LRP1B: variants seen among roughly 807,000 people sequenced by gnomAD.
LRP1B encodes low-density lipoprotein receptor-related protein 1B.
LRP1B carries 217 observed loss-of-function variants against 556.6 expected under a neutral mutation model. The ratio of observed to expected loss-of-function variants is 0.39; its 90% CI spans 0.35 to 0.44. The LOEUF (loss-of-function observed/expected upper bound fraction) is 0.44, where lower values mean the gene tolerates loss of function less well. Ranked by LOEUF, LRP1B falls within the 20% of genes least tolerant of loss-of-function variation. The pLI, the probability that LRP1B is intolerant of heterozygous loss-of-function variation, is 1.00. For synonymous variants in LRP1B, 2,047 were observed against 1,865.8 expected (o/e 1.10, Z -2.50); for missense variants, 5,053 against 5,620.8 (o/e 0.90, Z 3.23).
chr2:141,360,802 C>T (rs765441648), intron 3 of LRP1B, among the ~76,000 whole-genome samples: 7 of 152,064 alleles, frequency 4.6e-5, no homozygotes, highest in Non-Finnish European at 1.0e-4. Flanking sequence ...GAAGGAAAGG[C>T]TAGGATAATT....
intron 11 of LRP1B, among the ~76,000 whole-genome samples, chr2:141,026,076 A>G (rs549222804): frequency 4.6e-5 from 7 of 152,208 alleles, no homozygotes; most frequent in African/African-American, 1.7e-4. Context: ...GCCTATCAAG[A>G]GAAAACAAAG....
intron 84 of LRP1B, among the ~76,000 whole-genome samples, chr2:140,277,610 C>A (rs1379333535): frequency 1.3e-5 from 2 of 151,372 alleles, no homozygotes; most frequent in African/African-American, 4.9e-5. Context: ...AACTCTATCT[C>A]TAAATAAATA....
At chr2:141,751,607 A>C (rs1027478922) in intron 2 of LRP1B, among the ~76,000 whole-genome samples, 1 of 152,096 alleles carries the variant, frequency 6.6e-6, no homozygotes, top group Non-Finnish European at 1.5e-5. Flanking sequence ...CTATATCACA[A>C]GAAGGATTCT....
At position 141,047,310 on chromosome 2, in the gene LRP1B, C is replaced by T. The variant is rs184477061; in HGVS notation, c.1789+1676G>A. Among the ~76,000 whole-genome samples the T allele has an allele frequency of 1.4e-4, 22 of 151,940 alleles. No individual in the cohort carries two copies. In the East Asian group the frequency reaches 1.6e-3, roughly 11 times the overall value. On this transcript the variant is annotated intron_variant, in intron 11 of 90. Coordinates refer to ENST00000389484, the MANE Select transcript of LRP1B (RefSeq NM_018557.3). The stretch of plus-strand genomic sequence containing the variant: ...ATGCAGGATTTACGTTGCCTTAATC[C>T]GTAAATTATATTAAAGACAAAAACA...
intron 35 of LRP1B, among the ~76,000 whole-genome samples, chr2:140,752,842 T>C (rs922066295): frequency 6.6e-6 from 1 of 152,198 alleles, no homozygotes; most frequent in Admixed American, 6.5e-5. Flanking sequence ...CACACCAAAG[T>C]TGTATGTTTA....
At chr2:141,182,804 A>G (rs530494260) in intron 7 of LRP1B, among the ~76,000 whole-genome samples, 22 of 151,668 alleles carry the variant, frequency 1.5e-4, no homozygotes, top group African/African-American at 5.1e-4. Context: ...AAGTTAGGAA[A>G]TCAACTTTTG....
intron 1 of LRP1B, among the ~76,000 whole-genome samples, chr2:141,840,257 CTTTT>C (rs565362139): frequency 2.4e-5 from 2 of 84,230 alleles, no homozygotes; most frequent in African/African-American, 9.6e-5. Context: ...AACAAATTTC[CTTTT>C]TTTTTTTTTT....
chr2:141,851,606 G>A (rs1339480865), intron 1 of LRP1B, among the ~76,000 whole-genome samples: 2 of 151,678 alleles, frequency 1.3e-5, no homozygotes, highest in Admixed American at 1.3e-4. Flanking sequence ...ACCAAATAAA[G>A]TAATGAAAAC....
chr2:140,538,284 C>T (rs2105009207), intron 45 of LRP1B, among the ~76,000 whole-genome samples: 1 of 152,134 alleles, frequency 6.6e-6, no homozygotes, highest in East Asian at 1.9e-4. Context: ...GGGTTTACTA[C>T]ATGATACTGA....
intron 2 of LRP1B, among the ~76,000 whole-genome samples, chr2:141,600,643 C>T (rs1008995401): frequency 2.0e-5 from 3 of 152,178 alleles, no homozygotes; most frequent in Non-Finnish European, 4.4e-5. Context: ...TCAATGTCTG[C>T]TACCTACCAC....
At chr2:141,116,827 C>A (rs1054747480) in intron 7 of LRP1B, among the ~76,000 whole-genome samples, 2 of 151,810 alleles carry the variant, frequency 1.3e-5, no homozygotes, top group South Asian at 2.1e-4. Context: ...CTTATTTCTA[C>A]GAGATGACTT....
At chr2:140,879,466 G>T (rs1473044769) in intron 25 of LRP1B, among the ~76,000 whole-genome samples, 1 of 152,098 alleles carries the variant, frequency 6.6e-6, no homozygotes, top group Non-Finnish European at 1.5e-5. Context: ...ATTTAAGTGA[G>T]AAATTCCAAC....
rs79094422 is a variant in LRP1B, at chr2:140,455,322, A to G, written c.9963+1133T>C. On this transcript the variant is annotated intron_variant, in intron 62 of 90. Transcript: ENST00000389484. ...TCAGAACCTCTTGAGGGCAGCTCAC[A>G]CTAATTATATACATAACTTTTTAAT... is the stretch of plus-strand genomic sequence containing the variant. Among the ~76,000 whole-genome samples, 1,305 of 152,306 alleles carry G rather than the reference A, an allele frequency of 8.6e-3. 15 individuals carry two copies. Among genetic ancestry groups the G allele is most frequent in the African/African-American group, 0.03 (1,238 of 41,570 alleles).
chr2:140,997,504 C>T (rs1368309186), intron 15 of LRP1B, among the ~76,000 whole-genome samples: 1 of 151,772 alleles, frequency 6.6e-6, no homozygotes, highest in African/African-American at 2.4e-5. Context: ...TCTGATGTTT[C>T]TGACTTTGCT....
chr2:141,997,302 T>C (rs1444568093), intron 1 of LRP1B, among the ~76,000 whole-genome samples: 1 of 151,724 alleles, frequency 6.6e-6, no homozygotes, highest in Admixed American at 6.6e-5. Flanking sequence ...TAAAATATGG[T>C]AGTAAGAGAT....
intron 43 of LRP1B, among the ~76,000 whole-genome samples, chr2:140,555,017 G>T (rs1680679816): frequency 1.3e-5 from 2 of 151,726 alleles, no homozygotes; most frequent in African/African-American, 4.8e-5. Context: ...ATCTTCCCAG[G>T]ATCAAACTCA....
At chr2:141,389,205 A>G (rs1333487238) in intron 3 of LRP1B, among the ~76,000 whole-genome samples, 1 of 152,184 alleles carries the variant, frequency 6.6e-6, no homozygotes, top group Non-Finnish European at 1.5e-5. Context: ...TGGAGGACTC[A>G]TGTCCTGATT....
chr2:141,309,831 A>C (rs1292500120), intron 3 of LRP1B, among the ~76,000 whole-genome samples: 2 of 151,986 alleles, frequency 1.3e-5, no homozygotes, highest in African/African-American at 4.8e-5. Context: ...ATCCCACCCC[A>C]CCCCACTTTT....
chr2:141,928,850 C>CA (rs1478197479), intron 1 of LRP1B, among the ~76,000 whole-genome samples: 1 of 152,094 alleles, frequency 6.6e-6, no homozygotes, highest in East Asian at 1.9e-4. Context: ...TGGTCAAGAG[C>CA]AAAAACATGT....
Sources: gnomAD v4.1 joint callset for allele counts (sites outside exome capture counted in the v4.1 genomes callset) on GRCh38, gnomAD v4.1.1 for gene constraint, MANE v1.5 for transcripts, NCBI Gene and HGNC (gene_info 2026-07-23, HGNC 2026-07-21) for gene names.